SYT16: variants seen among roughly 807,000 people sequenced by gnomAD.
SYT16 encodes the protein synaptotagmin 16, also known as synaptotagmin-16.
A neutral mutation model predicts 61.4 loss-of-function variants in SYT16; 42 were observed. That is an observed-to-expected ratio of 0.68 (90% CI 0.53 to 0.89). SYT16 has a LOEUF of 0.89. SYT16 is among the 40% of genes least tolerant of loss of function. The probability of loss-of-function intolerance (pLI) is 0.00; values close to 1 mark genes in which losing one functional copy is unlikely to be tolerated. For missense variants in SYT16, 804 were observed against 807.3 expected, an observed-to-expected ratio of 1.00 and a Z score of 0.05; for synonymous variants, 314 against 302.3, an observed-to-expected ratio of 1.04 and a Z score of -0.40.
At chr14:61,953,564 A>G (rs2050754798) in intron 1 of SYT16, among the ~76,000 whole-genome samples, 1 of 152,216 alleles carries the variant, frequency 6.6e-6, no homozygotes, top group Non-Finnish European at 1.5e-5. Context: ...GAAAGTGACC[A>G]GCACTGTTGC....
At chr14:62,019,208 T>C (rs1238749024) in intron 3 of SYT16, among the ~76,000 whole-genome samples, 1 of 152,250 alleles carries the variant, frequency 6.6e-6, no homozygotes, top group Non-Finnish European at 1.5e-5. Flanking sequence ...ACAAAAGATT[T>C]TATTTTTAAG....
chr14:62,060,329 G>A (rs1216042903), intron 3 of SYT16, among the ~76,000 whole-genome samples: 1 of 151,868 alleles, frequency 6.6e-6, no homozygotes, highest in African/African-American at 2.4e-5. Context: ...CTTTCTAAAT[G>A]GAATTTTTAA....
intron 7 of SYT16, among the ~76,000 whole-genome samples, chr14:62,097,584 C>A (rs995981127): frequency 2.0e-5 from 3 of 152,202 alleles, no homozygotes; most frequent in African/African-American, 7.2e-5. Flanking sequence ...TGCATTATTA[C>A]TGTTAATAGA....
chr14:62,094,231 C>T (rs2057188474), intron 7 of SYT16, among the ~76,000 whole-genome samples: 2 of 152,126 alleles, frequency 1.3e-5, no homozygotes. Flanking sequence ...AGAAAGTTTA[C>T]TGGGCCTTTG....
At chr14:61,978,388 A>G (rs1211741558) in intron 2 of SYT16, among the ~76,000 whole-genome samples, 1 of 152,228 alleles carries the variant, frequency 6.6e-6, no homozygotes, top group East Asian at 1.9e-4. Context: ...CTTACAAAGA[A>G]AGATGTAACA....
intron 1 of SYT16, among the ~76,000 whole-genome samples, chr14:61,901,683 C>G (rs73258443): frequency 0.042 from 6,311 of 151,556 alleles, 430 homozygotes; most frequent in African/African-American, 0.14. Flanking sequence ...GCATTTAGCA[C>G]ACCACTGTCA....
chr14:61,864,945 C>T (rs908679192), intron 1 of SYT16: 3 of 1,303,564 alleles, frequency 2.3e-6, no homozygotes, highest in Non-Finnish European at 2.2e-6. Context: ...TGCCTGCAGG[C>T]CTTGAAAGTG....
intron 2 of SYT16, among the ~76,000 whole-genome samples, chr14:61,979,345 G>C (rs544802373): frequency 6.6e-6 from 1 of 152,246 alleles, no homozygotes; most frequent in South Asian, 2.1e-4. Context: ...GGCAGAGAAA[G>C]ACATTTTTCA....
intron 1 of SYT16, among the ~76,000 whole-genome samples, chr14:61,888,653 G>A: frequency 6.6e-6 from 1 of 151,734 alleles, no homozygotes; most frequent in East Asian, 1.9e-4. Flanking sequence ...GTAAGGGTTT[G>A]AAATTATTGT....
At chr14:61,957,458 C>T (rs1180263735) in intron 1 of SYT16, among the ~76,000 whole-genome samples, 1 of 151,830 alleles carries the variant, frequency 6.6e-6, no homozygotes, top group African/African-American at 2.4e-5. Context: ...ATAAGTGGCC[C>T]TGATTTTGTT....
In SYT16 at chr14:61,915,982, G is replaced by A. The variant is rs541628930; in HGVS notation, c.-324-54150G>A. ...TCAACCTACATCTTGGAGCATTCTTGTGTTCCTTGATACAGTGTTTTCTGT... is the reference window on the plus strand; with the variant it reads ...TCAACCTACATCTTGGAGCATTCTTATGTTCCTTGATACAGTGTTTTCTGT... On this transcript the variant is annotated intron_variant, in intron 1 of 7. Transcript: ENST00000683842. Among the ~76,000 whole-genome samples, 9 of 152,284 alleles carry A rather than the reference G, an allele frequency of 5.9e-5. No homozygotes were observed. In the East Asian group the frequency reaches 9.6e-4, roughly 16 times the overall value.
intron 1 of SYT16, among the ~76,000 whole-genome samples, chr14:61,959,114 A>G (rs2051007753): frequency 6.6e-6 from 1 of 151,692 alleles, no homozygotes; most frequent in Non-Finnish European, 1.5e-5. Context: ...TTTATCTACC[A>G]TTTTCCTTTT....
chr14:61,991,389 G>T (rs1449844430), intron 2 of SYT16, among the ~76,000 whole-genome samples: 2 of 149,532 alleles, frequency 1.3e-5, no homozygotes, highest in Non-Finnish European at 3.0e-5. Flanking sequence ...AAGCTACTTT[G>T]TCTTCTTGTT....
intron 1 of SYT16, among the ~76,000 whole-genome samples, chr14:61,820,469 G>GTTGT (rs2045578707): frequency 8.2e-5 from 5 of 61,082 alleles, no homozygotes; most frequent in Non-Finnish European, 1.1e-4. Flanking sequence ...CCTCTTCAGA[G>GTTGT]TTTTTTTTTT....
At chr14:62,064,933 C>G (rs1436550693) in intron 3 of SYT16, among the ~76,000 whole-genome samples, 1 of 152,176 alleles carries the variant, frequency 6.6e-6, no homozygotes, top group Non-Finnish European at 1.5e-5. Flanking sequence ...GCTCAGTGGC[C>G]TTTGCAAGAG....
intron 1 of SYT16, among the ~76,000 whole-genome samples, chr14:61,884,888 G>A (rs2047840695): frequency 6.6e-6 from 1 of 152,166 alleles, no homozygotes. Context: ...GCATTGAAAA[G>A]TCTCCAGAAG....
chr14:62,098,898 G>T (rs2057346923), intron 7 of SYT16, among the ~76,000 whole-genome samples: 1 of 152,160 alleles, frequency 6.6e-6, no homozygotes, highest in African/African-American at 2.4e-5. Context: ...CCCAGATAAA[G>T]TGATATCCAG....
chr14:61,869,707 AG>A (rs1594793855), intron 1 of SYT16, among the ~76,000 whole-genome samples: 1 of 152,218 alleles, frequency 6.6e-6, no homozygotes, highest in Non-Finnish European at 1.5e-5. Flanking sequence ...AGTTAGGTCA[AG>A]AGAATGGATC....
intron 2 of SYT16, among the ~76,000 whole-genome samples, chr14:61,975,695 G>A (rs931032694): frequency 2.8e-4 from 43 of 152,196 alleles, no homozygotes; most frequent in African/African-American, 1.0e-3. Flanking sequence ...GGGATTATGG[G>A]GATCCTATTT....
Sources: gnomAD v4.1 joint callset for allele counts (sites outside exome capture counted in the v4.1 genomes callset) on GRCh38, gnomAD v4.1.1 for gene constraint, MANE v1.5 for transcripts, NCBI Gene and HGNC (gene_info 2026-07-23, HGNC 2026-07-21) for gene names.